The following ADAM22 variants were observed in gnomAD, a reference collection of about 807,000 sequenced individuals.
ADAM22 encodes disintegrin and metalloproteinase domain-containing protein 22.
A neutral mutation model predicts 144.6 loss-of-function variants in ADAM22; 65 were observed. The observed-to-expected ratio is 0.45, with a 90% CI of 0.37 to 0.55. ADAM22 has a LOEUF of 0.55. Among genes scored for constraint, ADAM22 ranks in the 20% least tolerant of loss-of-function variants. The pLI, the probability that ADAM22 is intolerant of heterozygous loss-of-function variation, is 0.00. For missense variants in ADAM22, 974 were observed against 1,184.9 expected, an observed-to-expected ratio of 0.82 and a Z score of 2.61; for synonymous variants, 391 against 412.6, an observed-to-expected ratio of 0.95 and a Z score of 0.63.
intron 10 of ADAM22, 71 bp downstream of exon 10, chr7:88,130,530 A>G (rs186850788): frequency 2.8e-6 from 4 of 1,452,244 alleles, no homozygotes; most frequent in Non-Finnish European, 3.8e-6. Context: ...AATGGATAAT[A>G]TGATTCTTAT....
chr7:88,087,575 C>CA (rs1267917691), intron 4 of ADAM22, among the ~76,000 whole-genome samples: 1 of 151,680 alleles, frequency 6.6e-6, no homozygotes, highest in African/African-American at 2.4e-5. Context: ...TTCTTGTGGC[C>CA]AAAAAGTAAA....
chr7:88,037,276 G>A (rs1801751056), intron 3 of ADAM22, among the ~76,000 whole-genome samples: 1 of 152,056 alleles, frequency 6.6e-6, no homozygotes, highest in South Asian at 2.1e-4. Context: ...TAACGATGAT[G>A]TTTTGATAGT....
At chr7:88,081,772 A>G (rs1025175212) in intron 4 of ADAM22, among the ~76,000 whole-genome samples, 1 of 141,176 alleles carries the variant, frequency 7.1e-6, no homozygotes, top group South Asian at 2.6e-4. Flanking sequence ...TAGGAATCCA[A>G]CTTACAAGGG....
At chr7:88,108,059 A>C in intron 4 of ADAM22, 117 bp from the exon 5 acceptor site, 1 of 693,664 alleles carries the variant, frequency 1.4e-6, no homozygotes, top group Admixed American at 3.0e-5. Context: ...CTGAATAATG[A>C]AATATCATGC....
intron 30 of ADAM22, among the ~76,000 whole-genome samples, chr7:88,192,567 T>C (rs1849854492): frequency 6.6e-6 from 1 of 152,204 alleles, no homozygotes; most frequent in South Asian, 2.1e-4. Flanking sequence ...TTTACTAATT[T>C]ATTAAAAGCC....
rs1340662875 is a variant in ADAM22, at chr7:88,181,887, A to T, written c.2597-71A>T. Reference sequence around the variant, plus strand: ...CTGCTTATCAATTATACCCACTTGAAATGCCTCGTAATTAGACATAGGGCA... The same window carrying T: ...CTGCTTATCAATTATACCCACTTGATATGCCTCGTAATTAGACATAGGGCA... On this transcript the variant is annotated intron_variant, in intron 28 of 31. Transcript: ENST00000413139. The T allele has an allele frequency of 3.6e-6, 5 of 1,378,720 alleles. No homozygotes were observed. The Admixed American group carries it at 9.1e-5, about 25-fold the overall frequency. The allele number at this position is 1,378,720 out of a possible 1,614,324, so 85.4% of individuals were successfully genotyped here. A position where few individuals can be genotyped will look rare whatever the true frequency, so the allele number is the denominator to read the frequency against.
At position 88,197,096 on chromosome 7, in the gene ADAM22, A is replaced by G. The variant is rs935717819; in HGVS notation, c.*605A>G. On this transcript the variant is annotated 3_prime_UTR_variant, in exon 32 of 32. Transcript: ENST00000413139. ...ACTTTTCATATTTATATTAGCATAC[A>G]AGGACAATTGTATATATGTAACATT... 6 of 152,472 alleles carry G rather than the reference A, an allele frequency of 3.9e-5. No homozygotes were observed. Among genetic ancestry groups the G allele is most frequent in the African/African-American group, 1.4e-4 (6 of 41,454 alleles). 9.4% of individuals were successfully genotyped at this position (152,472 alleles called of 1,614,324 possible).
chr7:88,095,622 G>A (rs774503998), intron 4 of ADAM22, among the ~76,000 whole-genome samples: 1 of 152,082 alleles, frequency 6.6e-6, no homozygotes, highest in Non-Finnish European at 1.5e-5. Context: ...TTAGAGCCAC[G>A]TCTGATCAGT....
At position 87,972,909 on chromosome 7, in the gene ADAM22, G is replaced by A. The variant is rs545944961; in HGVS notation, c.247-5427G>A. ...AGCCATATGTAGAAAGCTGAAACTG[G>A]ATCCCTTCCTTACACCTTATACAAA... On this transcript the variant is annotated intron_variant, in intron 2 of 31. Coordinates refer to ENST00000413139, the MANE Select transcript of ADAM22 (RefSeq NM_001324418.2). Among the ~76,000 whole-genome samples the A allele has an allele frequency of 6.1e-3, 927 of 152,168 alleles. 13 individuals are homozygous for A. Among genetic ancestry groups the A allele is most frequent in the East Asian group, 0.046 (237 of 5,174 alleles).
At chr7:88,051,467 C>T (rs1044179100) in intron 3 of ADAM22, among the ~76,000 whole-genome samples, 5 of 151,794 alleles carry the variant, frequency 3.3e-5, no homozygotes, top group Admixed American at 6.6e-5. Flanking sequence ...AACCAGACAC[C>T]GCATGTTCTC....
chr7:88,175,757 G>A (rs1265416811), intron 26 of ADAM22, among the ~76,000 whole-genome samples: 1 of 151,990 alleles, frequency 6.6e-6, no homozygotes, highest in Admixed American at 6.5e-5. Context: ...AGATAATAAA[G>A]GACTGGAAAA....
chr7:87,953,141 T>C (rs1474705710), intron 2 of ADAM22, among the ~76,000 whole-genome samples: 1 of 152,178 alleles, frequency 6.6e-6, no homozygotes, highest in Admixed American at 6.5e-5. Context: ...CTCTATTTCC[T>C]TTAGTTCTGC....
chr7:88,144,889 A>G (rs1426148746), intron 15 of ADAM22, among the ~76,000 whole-genome samples: 1 of 152,044 alleles, frequency 6.6e-6, no homozygotes, highest in Non-Finnish European at 1.5e-5. Flanking sequence ...TGTTATATAT[A>G]TAAATATATA....
At chr7:88,192,402 C>G (rs1849814154) in intron 30 of ADAM22, among the ~76,000 whole-genome samples, 2 of 152,278 alleles carry the variant, frequency 1.3e-5, no homozygotes, top group South Asian at 4.1e-4. Context: ...AGCTTAGTCA[C>G]AAATTACCAC....
intron 3 of ADAM22, among the ~76,000 whole-genome samples, chr7:88,072,295 C>CTTA (rs1335885387): frequency 2.1e-4 from 32 of 152,226 alleles, no homozygotes; most frequent in Non-Finnish European, 5.9e-5. Context: ...CGTGCAGTGA[C>CTTA]TCATATTCTC....
chr7:88,164,170 G>A (rs1211135110), intron 23 of ADAM22, among the ~76,000 whole-genome samples: 1 of 152,054 alleles, frequency 6.6e-6, no homozygotes, highest in Non-Finnish European at 1.5e-5. Context: ...TAATCTAAGA[G>A]GATGTTAGGG....
chr7:88,096,569 A>G (rs570181319), intron 4 of ADAM22, among the ~76,000 whole-genome samples: 1 of 151,226 alleles, frequency 6.6e-6, no homozygotes, highest in South Asian at 2.1e-4. Flanking sequence ...ATTTTTAGAA[A>G]TAATATAATA....
At chr7:88,115,232 A>ACAAT (rs1331831787) in intron 6 of ADAM22, among the ~76,000 whole-genome samples, 1 of 152,188 alleles carries the variant, frequency 6.6e-6, no homozygotes, top group Non-Finnish European at 1.5e-5. Flanking sequence ...AAACAAACAA[A>ACAAT]CAAACAAAAA....
intron 2 of ADAM22, among the ~76,000 whole-genome samples, chr7:87,964,914 A>G (rs1848707376): frequency 6.6e-6 from 1 of 152,066 alleles, no homozygotes; most frequent in Non-Finnish European, 1.5e-5. Context: ...CTATTTTCTA[A>G]CCTATGTGTG....
Sources: allele counts gnomAD v4.1 joint callset (sites outside exome capture counted in the v4.1 genomes callset), GRCh38; gene constraint gnomAD v4.1.1; transcripts MANE v1.5; gene names NCBI Gene and HGNC (gene_info 2026-07-23, HGNC 2026-07-21).